Variants in TEX36 observed in about 807,000 individuals in gnomAD.
The protein encoded by TEX36 is testis expressed 36, also known as testis-expressed protein 36.
A neutral mutation model predicts 13.6 loss-of-function variants in TEX36; 12 were observed. The ratio of observed to expected loss-of-function variants is 0.88; its 90% CI spans 0.56 to 1.43. The LOEUF (loss-of-function observed/expected upper bound fraction) is 1.43, where lower values mean the gene tolerates loss of function less well. TEX36 is among the 40% of genes most tolerant of loss of function. The probability of loss-of-function intolerance (pLI) is 0.00; values close to 1 mark genes in which losing one functional copy is unlikely to be tolerated. For synonymous variants in TEX36, 93 were observed against 83.0 expected (o/e 1.12, Z -0.65); for missense variants, 224 against 228.3 (o/e 0.98, Z 0.12).
At chr10:125,606,974 G>A (rs913733491) in intron 3 of TEX36, among the ~76,000 whole-genome samples, 8 of 152,164 alleles carry the variant, frequency 5.3e-5, no homozygotes, top group South Asian at 2.1e-4. Context: ...AACTGGATGC[G>A]AACTTTGATT....
chr10:125,645,432 T>C (rs756725631), intron 3 of TEX36, among the ~76,000 whole-genome samples: 5 of 152,078 alleles, frequency 3.3e-5, no homozygotes, highest in Non-Finnish European at 5.9e-5. Flanking sequence ...AGAGAGCACA[T>C]TGGCATGCCC....
intron 3 of TEX36, among the ~76,000 whole-genome samples, chr10:125,629,203 A>G (rs569703736): frequency 4.1e-4 from 62 of 152,338 alleles, no homozygotes; most frequent in Non-Finnish European, 7.8e-4. Flanking sequence ...CACTCACAAA[A>G]AAAGGACTGA....
At chr10:125,639,655 G>T (rs2133573922) in intron 3 of TEX36, among the ~76,000 whole-genome samples, 1 of 152,312 alleles carries the variant, frequency 6.6e-6, no homozygotes, top group East Asian at 1.9e-4. Flanking sequence ...ATTAAGGAAT[G>T]AGCTGTAAAA....
intron 1 of TEX36, among the ~76,000 whole-genome samples, chr10:125,663,111 C>G (rs573297976): frequency 6.6e-6 from 1 of 152,226 alleles, no homozygotes; most frequent in Non-Finnish European, 1.5e-5. Context: ...TCTCCTATCT[C>G]CTAGGTGAGC....
At chr10:125,609,858 G>C (rs965368113) in intron 3 of TEX36, among the ~76,000 whole-genome samples, 1 of 152,182 alleles carries the variant, frequency 6.6e-6, no homozygotes, top group Non-Finnish European at 1.5e-5. Flanking sequence ...TCTGTAGTGA[G>C]ATATGAGTTT....
At chr10:125,579,111 G>A (rs1845857120) in intron 3 of TEX36, among the ~76,000 whole-genome samples, 1 of 152,174 alleles carries the variant, frequency 6.6e-6, no homozygotes, top group Non-Finnish European at 1.5e-5. Flanking sequence ...AATAACTTCT[G>A]CTTTACTTCA....
At chr10:125,666,850 G>C (rs975399741) in intron 1 of TEX36, 2 of 342,588 alleles carry the variant, frequency 5.8e-6, no homozygotes, top group Non-Finnish European at 1.1e-5. Context: ...CTGGAGTGTT[G>C]GGAACAGCCG....
At chr10:125,650,606 A>C (rs1378293676) in intron 3 of TEX36, among the ~76,000 whole-genome samples, 1 of 152,194 alleles carries the variant, frequency 6.6e-6, no homozygotes, top group African/African-American at 2.4e-5. Context: ...GCAAGAGCAA[A>C]CACATTAAAA....
chr10:125,613,964 A>T (rs1846325049), intron 3 of TEX36, among the ~76,000 whole-genome samples: 3 of 152,148 alleles, frequency 2.0e-5, no homozygotes, highest in Admixed American at 2.0e-4. Context: ...CTTTTTAATG[A>T]TTGCCATTCT....
At chr10:125,654,546 T>C (rs578014142), downstream of TEX36, among the ~76,000 whole-genome samples, 5 of 152,292 alleles carry the variant, frequency 3.3e-5, no homozygotes, top group South Asian at 2.1e-4. Context: ...GTTGTTTGTT[T>C]GTTTACTTTA....
At chr10:125,608,763 G>A (rs1011683924) in intron 3 of TEX36, among the ~76,000 whole-genome samples, 3 of 152,104 alleles carry the variant, frequency 2.0e-5, no homozygotes, top group African/African-American at 7.2e-5. Context: ...GTCTAGAGAG[G>A]GAAGGCAGAC....
intron 3 of TEX36, among the ~76,000 whole-genome samples, chr10:125,599,022 C>A (rs1450591247): frequency 6.6e-6 from 1 of 152,128 alleles, no homozygotes; most frequent in African/African-American, 2.4e-5. Context: ...TTGCCTGCCC[C>A]ACTCCGTACC....
chr10:125,643,875 G>A (rs114732107), intron 3 of TEX36, among the ~76,000 whole-genome samples: 3,101 of 152,258 alleles, frequency 0.02, 117 homozygotes, highest in African/African-American at 0.071. Context: ...TGGTGCCACC[G>A]CACTCCAGCC....
At chr10:125,577,441 T>C (rs1317615501) in intron 3 of TEX36, among the ~76,000 whole-genome samples, 2 of 152,284 alleles carry the variant, frequency 1.3e-5, no homozygotes, top group Admixed American at 6.5e-5. Flanking sequence ...AGAGGTTGCA[T>C]TGAGCTGAGA....
At chr10:125,647,926 C>A (rs768578133) in intron 3 of TEX36, among the ~76,000 whole-genome samples, 1 of 152,178 alleles carries the variant, frequency 6.6e-6, no homozygotes, top group Non-Finnish European at 1.5e-5. Flanking sequence ...AGTCTGAGAT[C>A]GAACTGCAAG....
chr10:125,633,637 C>T (rs1007063563), intron 3 of TEX36, among the ~76,000 whole-genome samples: 1 of 152,154 alleles, frequency 6.6e-6, no homozygotes, highest in Non-Finnish European at 1.5e-5. Context: ...ACCTCGTATC[C>T]TGCTTTTTTC....
At chr10:125,671,859 G>A (rs1343766941) in intron 1 of TEX36, among the ~76,000 whole-genome samples, 1 of 152,124 alleles carries the variant, frequency 6.6e-6, no homozygotes. Context: ...TTAGTGTTGG[G>A]AGAATGCATG....
intron 3 of TEX36, among the ~76,000 whole-genome samples, chr10:125,612,298 G>A (rs1162369905): frequency 7.2e-6 from 1 of 139,100 alleles, no homozygotes; most frequent in African/African-American, 2.6e-5. Context: ...TGGTCAGGCT[G>A]GTCTTGAATT....
At chr10:125,591,551 A>G (rs962897358) in intron 3 of TEX36, among the ~76,000 whole-genome samples, 1 of 152,158 alleles carries the variant, frequency 6.6e-6, no homozygotes, top group Non-Finnish European at 1.5e-5. Flanking sequence ...CAGCTTCACT[A>G]TGTGTGTGTA....
Sources: allele counts gnomAD v4.1 joint callset (sites outside exome capture counted in the v4.1 genomes callset), GRCh38; gene constraint gnomAD v4.1.1; transcripts MANE v1.5; gene names NCBI Gene and HGNC (gene_info 2026-07-23, HGNC 2026-07-21).